Variants in POLR2B observed in about 807,000 individuals in gnomAD.
POLR2B encodes the protein RNA polymerase II subunit B.
Under a neutral mutation model 144.6 loss-of-function variants are expected in POLR2B, and 57 were observed. The observed-to-expected ratio is 0.39, with a 90% CI of 0.32 to 0.49. The LOEUF (loss-of-function observed/expected upper bound fraction) is 0.49. POLR2B is among the 20% of genes least tolerant of loss of function. The pLI is 0.83. For synonymous variants in POLR2B, 442 were observed against 469.8 expected (o/e 0.94, Z 0.77); for missense variants, 595 against 1,467.4 (o/e 0.41, Z 9.71).
intron 3 of POLR2B, among the ~76,000 whole-genome samples, chr4:56,992,487 AAAAAAG>A: frequency 6.8e-6 from 1 of 146,888 alleles, no homozygotes; most frequent in Non-Finnish European, 1.5e-5. Flanking sequence ...AAAAAAAAAA[AAAAAAG>A]AAAAGAAAAT....
chr4:57,001,674 C>T (rs1164006083), intron 7 of POLR2B, among the ~76,000 whole-genome samples: 5 of 152,146 alleles, frequency 3.3e-5, no homozygotes, highest in East Asian at 1.9e-4. Context: ...ATTAATGGTA[C>T]TGTTAACTTT....
intron 10 of POLR2B, 154 bp from the exon 11 acceptor site, chr4:57,010,207 T>C: frequency 1.5e-6 from 1 of 649,040 alleles, no homozygotes; most frequent in Non-Finnish European, 2.6e-6. Context: ...GCAGGTAAGT[T>C]AAAGTGTCAA....
chr4:57,020,882 T>G lies in POLR2B; in HGVS notation c.2324-17T>G. 7.3e-7 allele frequency: 1 copy of G among 1,363,384 alleles called. No homozygotes were observed. The highest frequency in any genetic ancestry group is 1.1e-6 in the Non-Finnish European group (1 of 951,168). The allele number at this position is 1,363,384 out of a possible 1,614,324, so 84.5% of individuals were successfully genotyped here. A position where few individuals can be genotyped will look rare whatever the true frequency, so the allele number is the denominator to read the frequency against. ...TTCCAGGTGATGTTTTAATGTATGC[T>G]CTTAAATTCACTGCAGGCATCAACT... On this transcript the variant is annotated splice_polypyrimidine_tract_variant and intron_variant, in intron 16 of 24. Coordinates refer to ENST00000314595, the MANE Select transcript of POLR2B (RefSeq NM_000938.3).
At chr4:56,992,720 C>T (rs928874398) in intron 3 of POLR2B, among the ~76,000 whole-genome samples, 2 of 150,900 alleles carry the variant, frequency 1.3e-5, no homozygotes, top group African/African-American at 2.4e-5. Context: ...CCACCACGCC[C>T]GGCTATTATT....
intron 14 of POLR2B, 132 bp downstream of exon 14, chr4:57,015,788 C>T (rs1723347478): frequency 4.2e-6 from 1 of 236,722 alleles, no homozygotes; most frequent in African/African-American, 2.3e-5. Flanking sequence ...TTGACACAGC[C>T]TCAGCTGTGT....
intron 10 of POLR2B, among the ~76,000 whole-genome samples, chr4:57,008,443 C>T (rs1337345713): frequency 2.0e-5 from 3 of 152,162 alleles, no homozygotes. Context: ...ACATCGTGAT[C>T]TGCCCGCCTC....
At chr4:57,029,559 T>G (rs1298809552) in intron 23 of POLR2B, among the ~76,000 whole-genome samples, 1 of 152,190 alleles carries the variant, frequency 6.6e-6, no homozygotes, top group Non-Finnish European at 1.5e-5. Context: ...CACCATCTAT[T>G]TGCCTGGCCA....
intron 23 of POLR2B, among the ~76,000 whole-genome samples, chr4:57,027,075 C>A (rs1292422209): frequency 6.6e-6 from 1 of 151,968 alleles, no homozygotes; most frequent in Non-Finnish European, 1.5e-5. Context: ...GTGGTGCGAT[C>A]TCGGCTCACG....
intron 23 of POLR2B, among the ~76,000 whole-genome samples, chr4:57,026,370 C>G (rs1397377427): frequency 6.6e-6 from 1 of 151,998 alleles, no homozygotes; most frequent in Non-Finnish European, 1.5e-5. Context: ...ACCACTGCAC[C>G]CAGCCCTCTT....
chr4:56,989,653 G>A (rs1277282), intron 2 of POLR2B, among the ~76,000 whole-genome samples: 135,838 of 152,252 alleles, frequency 0.89, 60,628 homozygotes, highest in East Asian at 0.97. Context: ...AAGCTAAGAA[G>A]GTCTCACAGA....
intron 1 of POLR2B, among the ~76,000 whole-genome samples, chr4:56,984,408 C>T (rs1413864149): frequency 2.0e-5 from 3 of 151,448 alleles, no homozygotes; most frequent in African/African-American, 7.3e-5. Context: ...CAATGTATAT[C>T]TATTATGTGT....
chr4:56,999,527 A>AAT (rs1298371372), intron 6 of POLR2B, 90 bp from the exon 7 acceptor site: 42 of 802,330 alleles, frequency 5.2e-5, no homozygotes, highest in Non-Finnish European at 6.5e-5. Context: ...GTGCACAAAG[A>AAT]ATATATATAT....
intron 13 of POLR2B, among the ~76,000 whole-genome samples, chr4:57,011,399 G>A (rs1024502840): frequency 1.1e-4 from 17 of 152,142 alleles, no homozygotes; most frequent in Non-Finnish European, 2.4e-4. Context: ...ACGGTGGCAT[G>A]GGCCTGTAAT....
At chr4:56,990,350 T>G (rs985244648) in intron 2 of POLR2B, among the ~76,000 whole-genome samples, 1 of 152,104 alleles carries the variant, frequency 6.6e-6, no homozygotes, top group African/African-American at 2.4e-5. Flanking sequence ...CTCATCCTCT[T>G]GAATATGTGG....
Position 57,022,181 on chromosome 4 carries a change from A to G in POLR2B, c.2450A>G (p.Gln817Arg). The change falls in exon 18 of 25, where the codon CAG becomes CGG. Residue 817 changes from glutamine to arginine, a missense_variant. Around this residue, in one of 9 missense-constraint regions of POLR2B, gnomAD observed 75 missense variants for 100.0 expected, o/e 0.75. Transcript: ENST00000314595. The stretch of plus-strand genomic sequence containing the variant: ...GTTTTCTATCGCTCATACAAAGAAC[A>G]GGAGTCTAAAAAAGGATTTGATCAA... ...RSVFYRSYKE[Q>R]ESKKGFDQEE... 1 of 1,611,488 alleles carries G rather than the reference A, an allele frequency of 6.2e-7. No individual in the cohort carries two copies. Among genetic ancestry groups the G allele is most frequent in the Non-Finnish European group, 8.5e-7 (1 of 1,177,684 alleles).
At chr4:57,024,419 T>C (rs890081029) in intron 21 of POLR2B, among the ~76,000 whole-genome samples, 1 of 152,222 alleles carries the variant, frequency 6.6e-6, no homozygotes, top group African/African-American at 2.4e-5. Context: ...ACTTAATAAT[T>C]TTATAGTTCT....
chr4:56,982,879 C>T (rs1017720163), intron 1 of POLR2B, among the ~76,000 whole-genome samples: 18 of 151,942 alleles, frequency 1.2e-4, no homozygotes, highest in African/African-American at 3.9e-4. Context: ...TTGTTGAAAC[C>T]GAAAGCCTGG....
At chr4:57,021,136 G>GGTAT in intron 17 of POLR2B, 141 bp downstream of exon 17, 1 of 633,924 alleles carries the variant, frequency 1.6e-6, no homozygotes, top group Admixed American at 2.8e-5. Context: ...AACAGCTGAA[G>GGTAT]ATACTACTTG....
rs953072556 is a variant in POLR2B at position 57,003,679 on chromosome 4, C to CA, written c.901-1559dup. 2.0e-5 allele frequency among the ~76,000 whole-genome samples: 3 copies of CA among 151,558 alleles called. No individual in the cohort carries two copies. The South Asian group carries it at 6.3e-4, about 32-fold the overall frequency. Reference sequence around the variant, plus strand: ...ACCAGCTTGGGAAACTCTGTCTCTACAAAAAAAAGAAAAATTAGCTGGGTG... The same window carrying CA: ...ACCAGCTTGGGAAACTCTGTCTCTACAAAAAAAAAGAAAAATTAGCTGGGTG... On this transcript the variant is annotated intron_variant, in intron 7 of 24. Coordinates refer to ENST00000314595, the MANE Select transcript of POLR2B (RefSeq NM_000938.3).
Sources: allele counts gnomAD v4.1 joint callset (sites outside exome capture counted in the v4.1 genomes callset), GRCh38; gene constraint gnomAD v4.1.1; regional missense constraint gnomAD v4.1.1; transcripts MANE v1.5; gene names NCBI Gene and HGNC (gene_info 2026-07-23, HGNC 2026-07-21).